Variants in USP16 observed in about 807,000 individuals in gnomAD.
The protein encoded by USP16 is ubiquitin specific peptidase 16.
Under a neutral mutation model 95.9 loss-of-function variants are expected in USP16, and 77 were observed. The observed-to-expected ratio is 0.80, with a 90% CI of 0.67 to 0.97. The LOEUF is 0.97. Among genes scored for constraint, USP16 ranks in the 50% least tolerant of loss-of-function variants. The pLI, the probability that USP16 is intolerant of heterozygous loss-of-function variation, is 0.00. For missense variants in USP16, 943 were observed against 959.9 expected, an observed-to-expected ratio of 0.98 and a Z score of 0.23; for synonymous variants, 303 against 318.2, an observed-to-expected ratio of 0.95 and a Z score of 0.51.
intron 14 of USP16, 92 bp downstream of exon 14, chr21:29,047,413 G>A (rs2085343875): frequency 1.5e-6 from 2 of 1,356,104 alleles, no homozygotes; most frequent in Non-Finnish European, 2.0e-6. Flanking sequence ...ATCAGGATTT[G>A]GATGGCATGA....
At chr21:29,043,180 C>T (rs2085269804) in intron 12 of USP16, 2 of 272,548 alleles carry the variant, frequency 7.3e-6, no homozygotes, top group East Asian at 6.0e-5. Flanking sequence ...CGTTATATTT[C>T]TATTACACTT....
intron 2 of USP16, among the ~76,000 whole-genome samples, chr21:29,030,021 G>A (rs766593363): frequency 5.9e-5 from 9 of 151,930 alleles, no homozygotes; most frequent in African/African-American, 1.2e-4. Context: ...TTATCTTCTA[G>A]GATTGCACAG....
At chr21:29,028,653 C>G (rs1376748591) in intron 2 of USP16, among the ~76,000 whole-genome samples, 1 of 152,144 alleles carries the variant, frequency 6.6e-6, no homozygotes, top group African/African-American at 2.4e-5. Flanking sequence ...CCAGGCTGGT[C>G]TTGAACTCCT....
At chr21:29,034,380 T>C (rs2085122273) in intron 3 of USP16, among the ~76,000 whole-genome samples, 1 of 151,908 alleles carries the variant, frequency 6.6e-6, no homozygotes, top group African/African-American at 2.4e-5. Context: ...AGACGTGATC[T>C]TGGCTCACTG....
intron 14 of USP16, 134 bp downstream of exon 14, chr21:29,047,455 T>A (rs1203391146): frequency 1.4e-5 from 15 of 1,056,742 alleles, no homozygotes; most frequent in Non-Finnish European, 2.7e-6. Context: ...AATATTTTAA[T>A]AGGATGGAAA....
rs1448150490 is a variant in USP16 at position 29,040,674 on chromosome 21, A to C, written c.1017A>C (p.Lys339Asn). 1 of 1,532,906 alleles carries C rather than the reference A, an allele frequency of 6.5e-7. No homozygotes were observed. Among genetic ancestry groups the C allele is most frequent in the African/African-American group, 1.4e-5 (1 of 72,630 alleles). 95.0% of individuals were successfully genotyped at this position (1,532,906 alleles called of 1,614,324 possible). A position where few individuals can be genotyped will look rare whatever the true frequency, so the allele number is the denominator to read the frequency against. Reference sequence around the variant, plus strand: ...CTGAAAAGTTGGATGAAGAACTAAAAAATAAAGTTAAAGGTAATGTCTGAC... The same window carrying C: ...CTGAAAAGTTGGATGAAGAACTAAACAATAAAGTTAAAGGTAATGTCTGAC... ...NSTEKLDEEL[K>N]NKVKDYEKKK... is the part of the protein sequence containing the mutation. Residue 339 changes from lysine (K) to asparagine (N), a missense_variant, in exon 10 of 18, where the codon AAA becomes AAC. By Grantham distance (94) the Lys-to-Asn change is moderately conservative (BLOSUM62 0). Transcript: ENST00000399976.
chr21:29,028,098 C>A, intron 2 of USP16, 124 bp downstream of exon 2: 27 of 680,422 alleles, frequency 4.0e-5, no homozygotes, highest in Middle Eastern at 4.2e-4. Flanking sequence ...ATGTTTGTAT[C>A]TATATGTCAT....
chr21:29,049,019 G>A (rs891598910), intron 15 of USP16, among the ~76,000 whole-genome samples, 164 bp downstream of exon 15: 4 of 152,186 alleles, frequency 2.6e-5, no homozygotes, highest in Non-Finnish European at 5.9e-5. Flanking sequence ...GGGCTAGGCA[G>A]AGGCGCATGT....
In USP16 at chr21:29,047,102, A is replaced by G. The variant is rs141403496; in HGVS notation, c.1792A>G (p.Ser598Gly). The G allele has an allele frequency of 5.8e-5, 93 of 1,613,986 alleles. No individual in the cohort carries two copies. The highest frequency in any genetic ancestry group is 4.7e-5 in the Non-Finnish European group (56 of 1,180,022). ...AATAAATATAGAGATTCTGAATGAT[A>G]GTCATACTCCTGGAACAAAGGTGTA... ...DEINIEILNDSHTPGTKVYEV... is the reference protein window; with the variant it reads ...DEINIEILNDGHTPGTKVYEV... Residue 598 changes from serine (S) to glycine (G), a missense_variant, in exon 14 of 18, where the codon AGT becomes GGT. Coordinates refer to ENST00000399976, the MANE Select transcript of USP16 (RefSeq NM_006447.3).
At chr21:29,030,838 A>C (rs1165889507) in intron 3 of USP16, 65 bp downstream of exon 3, 1 of 1,522,950 alleles carries the variant, frequency 6.6e-7, no homozygotes, top group Non-Finnish European at 8.8e-7. Flanking sequence ...TTTAGAAGGT[A>C]TTACCTGAAA....
At chr21:29,034,209 T>C (rs1007156018) in intron 3 of USP16, among the ~76,000 whole-genome samples, 16 of 152,100 alleles carry the variant, frequency 1.1e-4, no homozygotes, top group African/African-American at 3.9e-4. Context: ...TTTAGGAGAC[T>C]GTTAAGGAAT....
At chr21:29,042,687 C>T (rs1381309543) in intron 12 of USP16, 159 bp downstream of exon 12, 4 of 575,004 alleles carry the variant, frequency 7.0e-6, no homozygotes, top group South Asian at 2.4e-5. Flanking sequence ...GAATAAAGAA[C>T]AGGGTAACTA....
At position 29,034,999 on chromosome 21, in the gene USP16, A is replaced by G. The variant is rs942448620; in HGVS notation, c.344+59A>G. On this transcript the variant is annotated intron_variant, in intron 4 of 17. Coordinates refer to ENST00000399976, the MANE Select transcript of USP16 (RefSeq NM_006447.3). ...ATTATTTGAAATATTAGAGAATGGA[A>G]ATGTTTAAATATGTTTAAGAAGAAA... 6 of 1,490,342 alleles carry G rather than the reference A, an allele frequency of 4.0e-6. No individual in the cohort carries two copies. The Admixed American group carries it at 1.1e-4, about 28-fold the overall frequency. The allele number at this position is 1,490,342 out of a possible 1,614,324, so 92.3% of individuals were successfully genotyped here.
Position 29,028,470 on chromosome 21 carries a change from C to G in USP16, c.61+496C>G, listed in dbSNP as rs987750012. ...TTTTTTCCTGAGACGGAGTCTGGCTCTGTTGCCCAGGCTGGAGTGCAGTAG... is the reference window on the plus strand; with the variant it reads ...TTTTTTCCTGAGACGGAGTCTGGCTGTGTTGCCCAGGCTGGAGTGCAGTAG... On this transcript the variant is annotated intron_variant, in intron 2 of 17. Coordinates refer to ENST00000399976, the MANE Select transcript of USP16 (RefSeq NM_006447.3). Among the ~76,000 whole-genome samples, 83 of 151,930 alleles carry G rather than the reference C, an allele frequency of 5.5e-4. 1 individual carries two copies. Among genetic ancestry groups the G allele is most frequent in the African/African-American group, 1.9e-3 (78 of 41,412 alleles).
chr21:29,024,979 G>A, intron 1 of USP16: 7 of 473,038 alleles, frequency 1.5e-5, no homozygotes, highest in South Asian at 4.7e-5. Context: ...TGCCGCTGCT[G>A]GCGGCCTTCT....
rs768301793 is a variant in USP16 at position 29,047,060 on chromosome 21, G to C, written c.1750G>C (p.Ala584Pro). 10 of 1,614,020 alleles carry C rather than the reference G, an allele frequency of 6.2e-6. No homozygotes were observed. The Admixed American group carries it at 1.7e-4, about 27-fold the overall frequency. ...TTTCAAAAACCTAAATTTGAATGCT[G>C]CTCTTCATCCTGATGAAATAAATAT... ...NGFKNLNLNA[A>P]LHPDEINIEI... The change falls in exon 14 of 18, where the codon GCT becomes CCT. Residue 584 changes from alanine (A) to proline (P), a missense_variant. Coordinates refer to ENST00000399976, the MANE Select transcript of USP16 (RefSeq NM_006447.3).
At chr21:29,040,097 C>T (rs1348724503) in intron 9 of USP16, among the ~76,000 whole-genome samples, 2 of 152,098 alleles carry the variant, frequency 1.3e-5, no homozygotes, top group Non-Finnish European at 2.9e-5. Flanking sequence ...TATTTTTATG[C>T]CAATCACTGT....
intron 1 of USP16, chr21:29,025,661 A>C: frequency 4.4e-4 from 276 of 630,968 alleles, no homozygotes; most frequent in Middle Eastern, 1.7e-3. Context: ...TGTCTTCACT[A>C]CTGCAGACTT....
At position 29,046,942 on chromosome 21, in the gene USP16, T is replaced by C. The variant is rs2085333900; in HGVS notation, c.1632T>C (p.Asn544=). Residue 544 remains asparagine, a synonymous_variant, in exon 14 of 18, where the codon AAT becomes AAC. Transcript: ENST00000399976. Reference sequence around the variant, plus strand: ...ATATGAAAAATATCAACATGGATAATGATCTGGAGGTTTTAACATCTTCTC... The same window carrying C: ...ATATGAAAAATATCAACATGGATAACGATCTGGAGGTTTTAACATCTTCTC... ...EVDMKNINMD[N]DLEVLTSSPT... 6.2e-7 allele frequency: 1 copy of C among 1,613,994 alleles called. No homozygotes were observed. Among genetic ancestry groups the C allele is most frequent in the African/African-American group, 1.3e-5 (1 of 74,936 alleles).
Sources: allele counts gnomAD v4.1 joint callset (sites outside exome capture counted in the v4.1 genomes callset), GRCh38; gene constraint gnomAD v4.1.1; transcripts MANE v1.5; gene names NCBI Gene and HGNC (gene_info 2026-07-23, HGNC 2026-07-21).